Variants in LRRC4C observed in about 807,000 individuals in gnomAD.
LRRC4C encodes the protein leucine-rich repeat-containing protein 4C.
LRRC4C carries 5 observed loss-of-function variants against 33.6 expected under a neutral mutation model. That is an observed-to-expected ratio of 0.15 (90% CI 0.08 to 0.31). The LOEUF is 0.31. Ranked by LOEUF, LRRC4C falls within the 10% of genes least tolerant of loss-of-function variation. The pLI is 1.00. For synonymous variants in LRRC4C, 329 were observed against 302.0 expected (o/e 1.09, Z -0.93); for missense variants, 560 against 796.7 (o/e 0.70, Z 3.58).
intron 2 of LRRC4C, among the ~76,000 whole-genome samples, chr11:40,867,800 T>G (rs527631660): frequency 2.0e-4 from 31 of 152,314 alleles, no homozygotes; most frequent in African/African-American, 7.0e-4. Flanking sequence ...TGAAAGCCAG[T>G]CCTTCAGAGG....
At chr11:41,454,197 T>A (rs2138671631) in intron 1 of LRRC4C, among the ~76,000 whole-genome samples, 1 of 152,274 alleles carries the variant, frequency 6.6e-6, no homozygotes, top group Non-Finnish European at 1.5e-5. Flanking sequence ...GACTCATCAC[T>A]GACAGCTCAG....
At chr11:41,339,734 A>G (rs1951570738) in intron 1 of LRRC4C, among the ~76,000 whole-genome samples, 1 of 152,180 alleles carries the variant, frequency 6.6e-6, no homozygotes, top group African/African-American at 2.4e-5. Flanking sequence ...CACTTGGAGT[A>G]ATGGTTATAT....
At chr11:40,883,030 G>T (rs775916568) in intron 2 of LRRC4C, among the ~76,000 whole-genome samples, 1 of 152,006 alleles carries the variant, frequency 6.6e-6, no homozygotes, top group African/African-American at 2.4e-5. Flanking sequence ...AGTTTAAAAG[G>T]CTTTGGAACT....
intron 1 of LRRC4C, among the ~76,000 whole-genome samples, chr11:41,343,944 C>T (rs1436424823): frequency 2.0e-5 from 3 of 152,182 alleles, no homozygotes; most frequent in East Asian, 1.9e-4. Flanking sequence ...AAACTTTCCG[C>T]TAATCAGAGC....
intron 2 of LRRC4C, among the ~76,000 whole-genome samples, chr11:40,918,731 G>A (rs1239127864): frequency 2.0e-5 from 3 of 152,068 alleles, no homozygotes; most frequent in Admixed American, 6.6e-5. Context: ...GCTTCCCCAC[G>A]TTACATAGTT....
intron 1 of LRRC4C, among the ~76,000 whole-genome samples, chr11:41,134,954 GA>G (rs1943190181): frequency 6.6e-6 from 1 of 152,104 alleles, no homozygotes; most frequent in South Asian, 2.1e-4. Flanking sequence ...ATCATTATTT[GA>G]AAGCTGAGGA....
chr11:41,223,791 G>C (rs982429613), intron 1 of LRRC4C, among the ~76,000 whole-genome samples: 1 of 152,190 alleles, frequency 6.6e-6, no homozygotes, highest in Non-Finnish European at 1.5e-5. Context: ...CAGAGAATGG[G>C]CTTGTGTTCC....
chr11:40,380,548 T>C (rs1387599953), intron 3 of LRRC4C, among the ~76,000 whole-genome samples: 1 of 152,212 alleles, frequency 6.6e-6, no homozygotes, highest in Admixed American at 6.5e-5. Flanking sequence ...ACCCAGGTTG[T>C]TTCATTTCTG....
At chr11:40,225,317 T>A (rs185971556) in intron 5 of LRRC4C, among the ~76,000 whole-genome samples, 111 of 152,250 alleles carry the variant, frequency 7.3e-4, no homozygotes, top group East Asian at 2.1e-3. Flanking sequence ...AGAAAAATTT[T>A]AAAAAAATAA....
intron 1 of LRRC4C, among the ~76,000 whole-genome samples, chr11:41,057,884 C>T (rs1236001459): frequency 1.3e-5 from 2 of 152,130 alleles, no homozygotes; most frequent in Non-Finnish European, 2.9e-5. Context: ...GAGGAGCTAC[C>T]CTCTCTGCTA....
chr11:40,976,276 G>A (rs1852078300), intron 1 of LRRC4C, among the ~76,000 whole-genome samples: 1 of 152,168 alleles, frequency 6.6e-6, no homozygotes, highest in African/African-American at 2.4e-5. Flanking sequence ...CTACTTTGCT[G>A]ATTTCCCTTT....
At chr11:40,640,064 C>T (rs1013652309) in intron 3 of LRRC4C, among the ~76,000 whole-genome samples, 1 of 152,062 alleles carries the variant, frequency 6.6e-6, no homozygotes, top group Non-Finnish European at 1.5e-5. Flanking sequence ...CTTCTCAGAC[C>T]TTAACTAGGT....
At chr11:40,733,505 A>G (rs953431679) in intron 2 of LRRC4C, among the ~76,000 whole-genome samples, 1 of 152,192 alleles carries the variant, frequency 6.6e-6, no homozygotes, top group Non-Finnish European at 1.5e-5. Context: ...GATTGAACCC[A>G]CTTAGCCTGC....
chr11:40,755,485 A>C (rs1238618724), intron 2 of LRRC4C, among the ~76,000 whole-genome samples: 1 of 152,066 alleles, frequency 6.6e-6, no homozygotes, highest in Non-Finnish European at 1.5e-5. Context: ...AAGTCATAAT[A>C]AGCTCCATTA....
chr11:41,377,990 G>T (rs1204196077), intron 1 of LRRC4C, among the ~76,000 whole-genome samples: 1 of 152,128 alleles, frequency 6.6e-6, no homozygotes, highest in East Asian at 1.9e-4. Flanking sequence ...AGGCTCCTTT[G>T]TTAATGTTTA....
intron 5 of LRRC4C, among the ~76,000 whole-genome samples, chr11:40,204,004 C>T (rs1862962710): frequency 2.0e-5 from 3 of 152,140 alleles, no homozygotes; most frequent in Admixed American, 2.0e-4. Context: ...CTCACTGCAG[C>T]CTCAAACTCC....
At chr11:41,319,122 C>A (rs749318762) in intron 1 of LRRC4C, among the ~76,000 whole-genome samples, 12 of 152,116 alleles carry the variant, frequency 7.9e-5, no homozygotes, top group Non-Finnish European at 1.5e-4. Flanking sequence ...ATGCAAATGA[C>A]TTCCATGAGA....
chr11:40,115,802 G>C lies in LRRC4C; in HGVS notation c.491C>G (p.Pro164Arg). 1 of 1,614,132 alleles carries C rather than the reference G, an allele frequency of 6.2e-7. No homozygotes were observed. The highest frequency in any genetic ancestry group is 8.5e-7 in the Non-Finnish European group (1 of 1,180,018). The change falls in exon 7 of 7, where the codon CCT becomes CGT. Residue 164 changes from proline to arginine, a missense_variant. Pro to Arg is a moderately radical substitution (Grantham distance 103). This residue lies in a region of LRRC4C where 455 missense variants were observed against 643.8 expected (regional missense o/e 0.71). Coordinates refer to ENST00000528697, the MANE Select transcript of LRRC4C (RefSeq NM_001258419.2). This position sits in a 1 kb window ranked among gnomAD's most constrained non-coding sequence, Gnocchi z 6.7. ...AGGAATTCTGTTAAAAGCATAAGAA[G>C]GGATGCTTTCAATGGGGTTGTTTCG... is the stretch of plus-strand genomic sequence containing the variant. ...WLRNNPIESIPSYAFNRIPSL... is the reference protein window; with the variant it reads ...WLRNNPIESIRSYAFNRIPSL...
intron 1 of LRRC4C, among the ~76,000 whole-genome samples, chr11:41,248,233 C>G (rs1347273644): frequency 1.3e-5 from 2 of 152,166 alleles, no homozygotes; most frequent in Non-Finnish European, 2.9e-5. Context: ...ATTTACTGTT[C>G]CTTCTCACTG....
Sources: allele counts gnomAD v4.1 joint callset (sites outside exome capture counted in the v4.1 genomes callset), GRCh38; gene constraint gnomAD v4.1.1; regional missense constraint gnomAD v4.1.1; non-coding constraint Gnocchi (gnomAD v3.1); transcripts MANE v1.5; gene names NCBI Gene and HGNC (gene_info 2026-07-23, HGNC 2026-07-21).